Variants in SHISAL2B observed in about 807,000 individuals in gnomAD.
SHISAL2B encodes the protein shisa like 2B.
SHISAL2B carries 12 observed loss-of-function variants against 16.5 expected under a neutral mutation model. That is an observed-to-expected ratio of 0.73 (90% CI 0.47 to 1.18). SHISAL2B has a LOEUF of 1.18. Among genes scored for constraint, SHISAL2B ranks in the 50% most tolerant of loss-of-function variants. The pLI is 0.00. For synonymous variants in SHISAL2B, 72 were observed against 75.0 expected (o/e 0.96, Z 0.21); for missense variants, 183 against 193.6 (o/e 0.95, Z 0.33).
At chr5:64,705,629 A>C (rs1741865559) in intron 2 of SHISAL2B, among the ~76,000 whole-genome samples, 1 of 152,216 alleles carries the variant, frequency 6.6e-6, no homozygotes, top group Admixed American at 6.5e-5. Context: ...CTAAAGAGTA[A>C]AAATAATATT....
intron 1 of SHISAL2B, chr5:64,694,216 T>A: frequency 2.6e-6 from 1 of 387,424 alleles, no homozygotes; most frequent in Non-Finnish European, 5.0e-6. Flanking sequence ...CAATTGGCAG[T>A]CAATTATTAT....
At chr5:64,704,262 A>T (rs1741847464) in intron 2 of SHISAL2B, among the ~76,000 whole-genome samples, 1 of 152,252 alleles carries the variant, frequency 6.6e-6, no homozygotes, top group South Asian at 2.1e-4. Flanking sequence ...AATGGCAGGC[A>T]AGAGCAGCGT....
At chr5:64,699,353 A>G (rs546567587) in intron 2 of SHISAL2B, among the ~76,000 whole-genome samples, 1 of 152,198 alleles carries the variant, frequency 6.6e-6, no homozygotes, top group Non-Finnish European at 1.5e-5. Context: ...CTAGAATGGG[A>G]AGAGAAAATT....
intron 2 of SHISAL2B, among the ~76,000 whole-genome samples, chr5:64,716,825 G>A (rs1742062929): frequency 6.6e-6 from 1 of 152,156 alleles, no homozygotes; most frequent in Non-Finnish European, 1.5e-5. Flanking sequence ...GTAGGCCACT[G>A]TATAAGACTT....
At chr5:64,707,859 C>T (rs1183321471) in intron 2 of SHISAL2B, among the ~76,000 whole-genome samples, 1 of 152,132 alleles carries the variant, frequency 6.6e-6, no homozygotes, top group African/African-American at 2.4e-5. Context: ...GTTTGATATT[C>T]GTGAACATTT....
intron 2 of SHISAL2B, among the ~76,000 whole-genome samples, chr5:64,696,132 C>T (rs552027550): frequency 6.6e-6 from 1 of 152,278 alleles, no homozygotes; most frequent in Admixed American, 6.5e-5. Context: ...TTTATAATTT[C>T]TTATGCCTGT....
At chr5:64,714,350 TC>T (rs1483847152) in intron 2 of SHISAL2B, among the ~76,000 whole-genome samples, 1 of 144,668 alleles carries the variant, frequency 6.9e-6, no homozygotes, top group Non-Finnish European at 1.5e-5. Context: ...GTTAGGTTGC[TC>T]GGGGGTCAGG....
intron 1 of SHISAL2B, chr5:64,691,681 A>T (rs976555763): frequency 6.6e-6 from 1 of 152,166 alleles, no homozygotes. Context: ...ATTGATGTAG[A>T]CATTTTCATT....
intron 1 of SHISAL2B, among the ~76,000 whole-genome samples, chr5:64,691,836 G>T (rs1041211554): frequency 6.6e-6 from 1 of 152,116 alleles, no homozygotes; most frequent in Non-Finnish European, 1.5e-5. Flanking sequence ...TAGTTTATGG[G>T]GTTGGAGGAG....
chr5:64,704,417 A>C (rs1741848885), intron 2 of SHISAL2B, among the ~76,000 whole-genome samples: 1 of 152,260 alleles, frequency 6.6e-6, no homozygotes, highest in Admixed American at 6.5e-5. Flanking sequence ...ATTTTGGCAA[A>C]GGCCAAAGCT....
intron 2 of SHISAL2B, 83 bp from the exon 3 acceptor site, chr5:64,717,806 C>A: frequency 6.5e-6 from 8 of 1,238,766 alleles, no homozygotes; most frequent in South Asian, 1.5e-5. Context: ...AATATTGCTA[C>A]AAAAATTATT....
chr5:64,693,547 T>A (rs529186066), intron 1 of SHISAL2B, among the ~76,000 whole-genome samples: 10 of 152,348 alleles, frequency 6.6e-5, no homozygotes, highest in South Asian at 2.1e-4. Flanking sequence ...GAAGATTTTT[T>A]AATCAGGTTC....
intron 2 of SHISAL2B, among the ~76,000 whole-genome samples, chr5:64,715,609 C>A (rs1334276383): frequency 6.6e-6 from 1 of 152,138 alleles, no homozygotes; most frequent in Non-Finnish European, 1.5e-5. Flanking sequence ...AAGAGGAAAG[C>A]AGAACCAGAT....
At chr5:64,716,072 C>G (rs1742045469) in intron 2 of SHISAL2B, among the ~76,000 whole-genome samples, 1 of 152,182 alleles carries the variant, frequency 6.6e-6, no homozygotes, top group Non-Finnish European at 1.5e-5. Flanking sequence ...TTACCCTCAC[C>G]TAATTGAGAG....
At chr5:64,700,492 C>G (rs112604774) in intron 2 of SHISAL2B, among the ~76,000 whole-genome samples, 1,797 of 152,252 alleles carry the variant, frequency 0.012, 37 homozygotes, top group African/African-American at 0.041. Context: ...CTCACTGCAA[C>G]CTCTGCCTCC....
chr5:64,693,568 A>G (rs1436360303), intron 1 of SHISAL2B, among the ~76,000 whole-genome samples: 1 of 152,204 alleles, frequency 6.6e-6, no homozygotes, highest in Non-Finnish European at 1.5e-5. Context: ...TTGTTTGAAG[A>G]ATCTTTCCAG....
intron 2 of SHISAL2B, among the ~76,000 whole-genome samples, chr5:64,704,464 G>T (rs1457113175): frequency 2.6e-5 from 4 of 152,206 alleles, no homozygotes; most frequent in Non-Finnish European, 4.4e-5. Flanking sequence ...TAGGATTAAA[G>T]AAAGGTTGAA....
chr5:64,698,283 G>A (rs574781175), intron 2 of SHISAL2B, among the ~76,000 whole-genome samples: 1 of 152,184 alleles, frequency 6.6e-6, no homozygotes, highest in Non-Finnish European at 1.5e-5. Flanking sequence ...AGCAGCCAGA[G>A]CAGACCTGTT....
intron 2 of SHISAL2B, among the ~76,000 whole-genome samples, chr5:64,711,204 T>A (rs1741952681): frequency 2.3e-5 from 3 of 130,992 alleles, no homozygotes; most frequent in African/African-American, 1.0e-4. Flanking sequence ...TATTTTGAAA[T>A]ACGTCCCATC....
Sources: allele counts gnomAD v4.1 joint callset (sites outside exome capture counted in the v4.1 genomes callset), GRCh38; gene constraint gnomAD v4.1.1; transcripts MANE v1.5; gene names NCBI Gene and HGNC (gene_info 2026-07-23, HGNC 2026-07-21).